RABGEF1: variants seen among roughly 807,000 people sequenced by gnomAD.
RABGEF1 encodes the protein rab5 GDP/GTP exchange factor.
RABGEF1 carries 26 observed loss-of-function variants against 57.3 expected under a neutral mutation model. The ratio of observed to expected loss-of-function variants is 0.45; its 90% confidence interval spans 0.33 to 0.63. The LOEUF (loss-of-function observed/expected upper bound fraction) is 0.63, where lower values mean the gene tolerates loss of function less well. Among genes scored for constraint, RABGEF1 ranks in the 20% least tolerant of loss-of-function variants. RABGEF1 has a pLI of 0.02. For missense variants in RABGEF1, 464 were observed against 607.6 expected, an observed-to-expected ratio of 0.76 and a Z score of 2.48; for synonymous variants, 185 against 210.7, an observed-to-expected ratio of 0.88 and a Z score of 1.06.
intron 4 of RABGEF1, among the ~76,000 whole-genome samples, chr7:66,793,545 C>A (rs1272626460): frequency 1.3e-5 from 2 of 152,096 alleles, no homozygotes; most frequent in African/African-American, 2.4e-5. Flanking sequence ...AATATAGTTT[C>A]TTCTAAGTTA....
At chr7:66,695,507 T>G (rs1341059073) in intron 1 of RABGEF1, among the ~76,000 whole-genome samples, 4 of 152,120 alleles carry the variant, frequency 2.6e-5, no homozygotes, top group Non-Finnish European at 5.9e-5. Context: ...GACCATTCAG[T>G]GACAAGAGTT....
intron 2 of RABGEF1, among the ~76,000 whole-genome samples, chr7:66,712,926 C>G (rs1794936972): frequency 6.6e-6 from 1 of 151,294 alleles, no homozygotes; most frequent in Non-Finnish European, 1.5e-5. Context: ...GTCATCCTCC[C>G]ACCTCAGCCT....
upstream of RABGEF1, among the ~76,000 whole-genome samples, chr7:66,677,655 G>A (rs1394718315): frequency 2.0e-5 from 3 of 151,674 alleles, no homozygotes; most frequent in Admixed American, 6.6e-5. Flanking sequence ...CCAGCTACTC[G>A]GGAGGCTGAG....
intron 1 of RABGEF1, among the ~76,000 whole-genome samples, chr7:66,702,075 G>C (rs1793359057): frequency 6.6e-6 from 1 of 152,042 alleles, no homozygotes; most frequent in Non-Finnish European, 1.5e-5. Context: ...CATTTTCCCA[G>C]CCCTGACAAT....
intron 1 of RABGEF1, among the ~76,000 whole-genome samples, chr7:66,708,645 A>G (rs1269932864): frequency 5.3e-5 from 8 of 152,146 alleles, no homozygotes; most frequent in Non-Finnish European, 1.0e-4. Flanking sequence ...CTCTACAAAA[A>G]TAAAATAATT....
intron 2 of RABGEF1, among the ~76,000 whole-genome samples, chr7:66,732,975 C>T (rs1272065021): frequency 1.3e-5 from 2 of 152,278 alleles, no homozygotes; most frequent in African/African-American, 4.8e-5. Context: ...CAAGTCCAAC[C>T]GTATGACTGT....
Position 66,805,329 on chromosome 7 carries a change from A to G in RABGEF1, c.1010A>G (p.Tyr337Cys). The change falls in exon 8 of 9, where the codon TAT becomes TGT. Residue 337 changes from tyrosine (Y) to cysteine (C), a missense_variant. Transcript: ENST00000284957. The stretch of plus-strand genomic sequence containing the variant: ...CCACGCCTTCAGTCTAATATCCAGT[A>G]TATCACGCGCTTCTGCAATCCAAGC... ...NPPRLQSNIQ[Y>C]ITRFCNPSRL... 6.2e-7 allele frequency: 1 copy of G among 1,614,192 alleles called. No homozygotes were observed. Among genetic ancestry groups the G allele is most frequent in the East Asian group, 2.2e-5 (1 of 44,882 alleles).
the RABGEF1 span, among the ~76,000 whole-genome samples, chr7:66,656,036 G>A: frequency 6.6e-6 from 1 of 152,210 alleles, no homozygotes. Context: ...CATGTGTCTT[G>A]AAGAATGAGT....
At chr7:66,718,544 T>A (rs1795655914) in intron 2 of RABGEF1, among the ~76,000 whole-genome samples, 1 of 150,178 alleles carries the variant, frequency 6.7e-6, no homozygotes, top group African/African-American at 2.4e-5. Context: ...GTGGTTAAAT[T>A]CTATGGAGAA....
At chr7:66,775,164 C>T in intron 2 of RABGEF1, 63 bp from the exon 3 acceptor site, 8 of 1,512,740 alleles carry the variant, frequency 5.3e-6, no homozygotes, top group African/African-American at 1.4e-5. Flanking sequence ...GGAGTAATAA[C>T]CTTCACATAC....
rs376283022 is a variant in RABGEF1, at chr7:66,765,523, A to G, written c.-17-6360A>G. Among the ~76,000 whole-genome samples the G allele has an allele frequency of 5.9e-4, 90 of 152,228 alleles. No individual in the cohort carries two copies. In the South Asian group the frequency reaches 0.018, roughly 31 times the overall value. ...AGGGGACCAGGGTGTATGACTCAGAATCTGAGGATGGGCGTGCACGTAAAC... is the reference window on the plus strand; with the variant it reads ...AGGGGACCAGGGTGTATGACTCAGAGTCTGAGGATGGGCGTGCACGTAAAC... On this transcript the variant is annotated intron_variant, in intron 1 of 8. Transcript: ENST00000284957.
intron 1 of RABGEF1, among the ~76,000 whole-genome samples, chr7:66,706,434 G>A (rs927239324): frequency 1.1e-4 from 17 of 152,112 alleles, no homozygotes; most frequent in Non-Finnish European, 2.1e-4. Flanking sequence ...GTTTTTAGAC[G>A]GAGTCTCGCT....
chr7:66,746,983 G>A (rs906845835), intron 1 of RABGEF1, among the ~76,000 whole-genome samples: 3 of 151,786 alleles, frequency 2.0e-5, no homozygotes, highest in South Asian at 2.1e-4. Context: ...TAGTAGAGAC[G>A]GGGTTTCACC....
At chr7:66,778,072 A>G (rs1011156471) in intron 3 of RABGEF1, among the ~76,000 whole-genome samples, 1 of 152,170 alleles carries the variant, frequency 6.6e-6, no homozygotes, top group Non-Finnish European at 1.5e-5. Context: ...TAAATTTTGC[A>G]TTTCACACTG....
At chr7:66,676,626 C>T in the RABGEF1 span, among the ~76,000 whole-genome samples, 5 of 152,200 alleles carry the variant, frequency 3.3e-5, no homozygotes, top group South Asian at 2.1e-4. Flanking sequence ...CTCATTCTGT[C>T]GCCCAGGCTG....
chr7:66,799,510 G>T, intron 7 of RABGEF1, 96 bp downstream of exon 7: 1 of 1,017,714 alleles, frequency 9.8e-7, no homozygotes, highest in Non-Finnish European at 1.5e-6. Context: ...AATGCAGATT[G>T]TCGAAGGTAC....
the RABGEF1 span, among the ~76,000 whole-genome samples, chr7:66,664,753 G>A: frequency 6.6e-6 from 1 of 152,234 alleles, no homozygotes; most frequent in Non-Finnish European, 1.5e-5. Context: ...TGTCTCCGGT[G>A]CGCCGGCGGC....
intron 1 of RABGEF1, chr7:66,770,213 A>G (rs1806756824): frequency 6.6e-6 from 1 of 152,222 alleles, no homozygotes; most frequent in African/African-American, 2.4e-5. Flanking sequence ...TAAATGTTTG[A>G]GTTAAATTAA....
At chr7:66,764,320 T>A (rs866886542) in intron 1 of RABGEF1, among the ~76,000 whole-genome samples, 2 of 151,692 alleles carry the variant, frequency 1.3e-5, no homozygotes, top group Admixed American at 1.3e-4. Context: ...AAATTGTTAA[T>A]TTTTATTGAG....
Sources: gnomAD v4.1 joint callset for allele counts (sites outside exome capture counted in the v4.1 genomes callset) on GRCh38, gnomAD v4.1.1 for gene constraint, MANE v1.5 for transcripts, NCBI Gene and HGNC (gene_info 2026-07-23, HGNC 2026-07-21) for gene names.